ZNF804A: variants seen among roughly 807,000 people sequenced by gnomAD.
The protein encoded by ZNF804A is zinc finger protein 804A.
Under a neutral mutation model 16.5 loss-of-function variants are expected in ZNF804A, and 2 were observed. The ratio of observed to expected loss-of-function variants is 0.12; its 90% confidence interval spans 0.05 to 0.38. ZNF804A has a LOEUF of 0.38. ZNF804A is among the 10% of genes least tolerant of loss of function. The pLI is 0.99. For synonymous variants in ZNF804A, 534 were observed against 489.6 expected, an observed-to-expected ratio of 1.09 and a Z score of -1.20; for missense variants, 1,473 against 1,390.7, an observed-to-expected ratio of 1.06 and a Z score of -0.94.
At chr2:184,882,268 T>A (rs1684820002) in intron 2 of ZNF804A, among the ~76,000 whole-genome samples, 1 of 152,050 alleles carries the variant, frequency 6.6e-6, no homozygotes, top group African/African-American at 2.4e-5. Context: ...GCTAAATATG[T>A]CCACATGCAA....
chr2:184,773,305 T>C lies in ZNF804A; in HGVS notation c.112-93064T>C, dbSNP rs920921111. 4.0e-5 allele frequency among the ~76,000 whole-genome samples: 6 copies of C among 151,772 alleles called. 1 individual carries two copies. The East Asian group carries it at 7.8e-4, about 20-fold the overall frequency. On this transcript the variant is annotated intron_variant, in intron 1 of 3. Transcript: ENST00000302277. ...GGTCATCAATTCTCTCTCCAACCAA[T>C]ACCTGTATCTCACACCTCTGCTGTG...
intron 1 of ZNF804A, among the ~76,000 whole-genome samples, chr2:184,781,023 G>C (rs1242372987): frequency 1.3e-5 from 2 of 151,792 alleles, no homozygotes; most frequent in Admixed American, 6.6e-5. Flanking sequence ...GATGTTTTCC[G>C]AGTCCTTGTG....
intron 1 of ZNF804A, among the ~76,000 whole-genome samples, chr2:184,861,528 T>A (rs1695799691): frequency 6.6e-6 from 1 of 152,292 alleles, no homozygotes; most frequent in South Asian, 2.1e-4. Context: ...GTCATGTATT[T>A]GTTATTTGTT....
At chr2:184,754,192 C>T (rs868356982) in intron 1 of ZNF804A, among the ~76,000 whole-genome samples, 1 of 151,826 alleles carries the variant, frequency 6.6e-6, no homozygotes, top group Non-Finnish European at 1.5e-5. Flanking sequence ...GTTAGGTACT[C>T]CTTGTTTGCT....
At chr2:184,932,496 A>T (rs1685717844) in intron 2 of ZNF804A, among the ~76,000 whole-genome samples, 1 of 152,060 alleles carries the variant, frequency 6.6e-6, no homozygotes, top group East Asian at 1.9e-4. Context: ...TCACTATCAC[A>T]ATAAAAGTAT....
chr2:184,609,818 G>T (rs2105670933), intron 1 of ZNF804A, among the ~76,000 whole-genome samples: 1 of 152,298 alleles, frequency 6.6e-6, no homozygotes, highest in Middle Eastern at 3.4e-3. Context: ...TGTATTTTGG[G>T]GGATACAGAA....
chr2:184,756,243 T>G (rs1356491476), intron 1 of ZNF804A, among the ~76,000 whole-genome samples: 1 of 151,908 alleles, frequency 6.6e-6, no homozygotes, highest in Non-Finnish European at 1.5e-5. Flanking sequence ...GCTTAAATTT[T>G]TAATTTTATT....
chr2:184,787,207 T>C (rs1283285028), intron 1 of ZNF804A, among the ~76,000 whole-genome samples: 1 of 151,990 alleles, frequency 6.6e-6, no homozygotes, highest in Non-Finnish European at 1.5e-5. Flanking sequence ...ATTAGAACAT[T>C]CAATGTTTGA....
At chr2:184,707,095 A>G (rs573700602) in intron 1 of ZNF804A, among the ~76,000 whole-genome samples, 4 of 152,144 alleles carry the variant, frequency 2.6e-5, no homozygotes, top group African/African-American at 4.8e-5. Context: ...ACTTGTATTG[A>G]CTCATTAGGA....
chr2:184,801,281 G>C (rs1694722183), intron 1 of ZNF804A, among the ~76,000 whole-genome samples: 1 of 151,894 alleles, frequency 6.6e-6, no homozygotes, highest in Non-Finnish European at 1.5e-5. Flanking sequence ...TAGAAGTTTT[G>C]CTATTTATCC....
At chr2:184,812,761 G>A (rs2105787427) in intron 1 of ZNF804A, among the ~76,000 whole-genome samples, 1 of 152,188 alleles carries the variant, frequency 6.6e-6, no homozygotes, top group African/African-American at 2.4e-5. Flanking sequence ...TTGATTGTGA[G>A]GCTGTTGCCC....
chr2:184,926,431 T>G (rs559182260), intron 2 of ZNF804A, among the ~76,000 whole-genome samples: 8 of 152,206 alleles, frequency 5.3e-5, no homozygotes, highest in African/African-American at 1.4e-4. Context: ...TTAGGATCCT[T>G]TCTTTTTCCT....
chr2:184,716,435 A>C (rs986963422), intron 1 of ZNF804A, among the ~76,000 whole-genome samples: 3 of 152,102 alleles, frequency 2.0e-5, no homozygotes, highest in Admixed American at 1.3e-4. Flanking sequence ...AGATTATTAA[A>C]ATCAGTAAAA....
chr2:184,621,393 A>G (rs1379771783), intron 1 of ZNF804A, among the ~76,000 whole-genome samples: 2 of 151,750 alleles, frequency 1.3e-5, no homozygotes, highest in Non-Finnish European at 3.0e-5. Flanking sequence ...ATATAGCTAT[A>G]TATCCATGTA....
chr2:184,829,632 C>A (rs1030666716), intron 1 of ZNF804A, among the ~76,000 whole-genome samples: 3 of 151,692 alleles, frequency 2.0e-5, no homozygotes, highest in Non-Finnish European at 4.4e-5. Context: ...CTGATGTAGA[C>A]AATATGATGA....
chr2:184,936,829 CAGACTTAAA>C lies in ZNF804A; in HGVS notation c.1437_1445del (p.Lys481_Leu483del), dbSNP rs761876524. ...AATAATAATCTAGATAAAAATAAGCCAGACTTAAAAGATCTTTGTTCTCAGCAGAAGCAG... is the reference window on the plus strand; with the variant it reads ...AATAATAATCTAGATAAAAATAAGCCAGATCTTTGTTCTCAGCAGAAGCAG... On this transcript the variant is annotated inframe_deletion, in exon 4 of 4. Coordinates refer to ENST00000302277, the MANE Select transcript of ZNF804A (RefSeq NM_194250.2). 3.1e-6 allele frequency: 5 copies of C among 1,612,516 alleles called. No homozygotes were observed. Among genetic ancestry groups the C allele is most frequent in the Non-Finnish European group, 4.2e-6 (5 of 1,179,588 alleles).
intron 1 of ZNF804A, among the ~76,000 whole-genome samples, chr2:184,742,667 T>C (rs1260199615): frequency 2.7e-5 from 2 of 73,644 alleles, no homozygotes; most frequent in Non-Finnish European, 5.0e-5. Flanking sequence ...TATTTGTAAA[T>C]TATTTGTTGG....
chr2:184,928,478 G>C (rs1310003526), intron 2 of ZNF804A, among the ~76,000 whole-genome samples: 2 of 152,220 alleles, frequency 1.3e-5, no homozygotes, highest in East Asian at 3.9e-4. Flanking sequence ...GTTAGGGGAG[G>C]GGGAGGAGTG....
At chr2:184,705,745 A>G (rs533540689) in intron 1 of ZNF804A, among the ~76,000 whole-genome samples, 1 of 152,332 alleles carries the variant, frequency 6.6e-6, no homozygotes, top group African/African-American at 2.4e-5. Flanking sequence ...ACACACACAC[A>G]TAAACACAAT....
Sources: gnomAD v4.1 joint callset for allele counts (sites outside exome capture counted in the v4.1 genomes callset) on GRCh38, gnomAD v4.1.1 for gene constraint, MANE v1.5 for transcripts, NCBI Gene and HGNC (gene_info 2026-07-23, HGNC 2026-07-21) for gene names.